The following SPON2 variants were observed in gnomAD, a reference collection of about 807,000 sequenced individuals.
SPON2 encodes spondin 2.
SPON2 carries 32 observed loss-of-function variants against 29.9 expected under a neutral mutation model. That is an observed-to-expected ratio of 1.07 (90% CI 0.81 to 1.44). The LOEUF is 1.44. SPON2 is among the 40% of genes most tolerant of loss of function. The pLI is 0.00. For synonymous variants in SPON2, 248 were observed against 209.1 expected, an observed-to-expected ratio of 1.19 and a Z score of -1.61; for missense variants, 541 against 455.5, an observed-to-expected ratio of 1.19 and a Z score of -1.71.
chr4:1,170,916 G>C (rs1479761180), intron 4 of SPON2, 83 bp downstream of exon 4: 1 of 1,511,478 alleles, frequency 6.6e-7, no homozygotes, highest in African/African-American at 1.4e-5. Flanking sequence ...CCTGGGCTGG[G>C]AGGCGAGGGT....
chr4:1,200,412 A>G lies in SPON2; in HGVS notation c.-234+7468T>C, dbSNP rs74403650. 9.8e-3 allele frequency among the ~76,000 whole-genome samples: 1,472 copies of G among 150,814 alleles called. 9 individuals are homozygous for G. The highest frequency in any genetic ancestry group is 0.016 in the South Asian group (74 of 4,616). ...ACAGAGGGAGCAAGTGGAGGGAGGA[A>G]GGGGCTTCAGGACAGGAGGTGCAGG... is the stretch of plus-strand genomic sequence containing the variant. On this transcript the variant is annotated intron_variant, in intron 1 of 3. Transcript: ENST00000509233.
rs766117678 is a variant in SPON2, at chr4:1,171,830, G to T, written c.220+22C>A. 5.1e-6 allele frequency: 8 copies of T among 1,566,228 alleles called. No individual in the cohort carries two copies. In the African/African-American group the frequency reaches 5.4e-5, roughly 11 times the overall value. ...CGCAGCCCTCCTGGTGGAGCAGGAGGCGAGGAGGGGGCTGTACTTACCCAG... is the reference window on the plus strand; with the variant it reads ...CGCAGCCCTCCTGGTGGAGCAGGAGTCGAGGAGGGGGCTGTACTTACCCAG... On this transcript the variant is annotated intron_variant, in intron 2 of 5. Transcript: ENST00000290902.
chr4:1,186,477 G>T (rs996677055), intron 1 of SPON2, among the ~76,000 whole-genome samples: 10 of 152,094 alleles, frequency 6.6e-5, no homozygotes, highest in East Asian at 1.9e-4. Flanking sequence ...CTAATTTTTT[G>T]TATTTTAGTA....
Position 1,167,296 on chromosome 4 carries a change from ATGCCCG to A in SPON2, c.*170_*175del. ...TGGGAAAGGAGGAGGCTGTTTCCCA[ATGCCCG>A]TGCCGGCCACCAGAGGGCCCTTCAG... On this transcript the variant is annotated 3_prime_UTR_variant, in exon 6 of 6. Coordinates refer to ENST00000290902, the MANE Select transcript of SPON2 (RefSeq NM_012445.4). The A allele has an allele frequency of 1.6e-6, 1 of 620,882 alleles. No individual in the cohort carries two copies. The highest frequency in any genetic ancestry group is 4.4e-4 in the Middle Eastern group (1 of 2,258). The allele number at this position is 620,882 out of a possible 1,614,324, so 38.5% of individuals were successfully genotyped here.
chr4:1,197,453 T>G (rs887396265), upstream of SPON2, among the ~76,000 whole-genome samples: 1 of 151,970 alleles, frequency 6.6e-6, no homozygotes, highest in East Asian at 1.9e-4. Flanking sequence ...GAACGTGCAC[T>G]CTCTGAAAAG....
intron 1 of SPON2, among the ~76,000 whole-genome samples, chr4:1,203,836 G>C (rs142670965): frequency 1.3e-5 from 2 of 151,946 alleles, no homozygotes; most frequent in African/African-American, 4.8e-5. Flanking sequence ...TTGGCTGGTC[G>C]CATATATTAT....
chr4:1,193,750 GTGGT>G (rs1727967029), intron 1 of SPON2, among the ~76,000 whole-genome samples: 1 of 3,116 alleles, frequency 3.2e-4, no homozygotes, highest in Non-Finnish European at 7.3e-4. Flanking sequence ...GACGTGGGGG[GTGGT>G]GTGGGAAGGA....
chr4:1,183,125 C>T (rs1171305560), intron 1 of SPON2, among the ~76,000 whole-genome samples: 1 of 151,452 alleles, frequency 6.6e-6, no homozygotes, highest in Middle Eastern at 3.2e-3. Context: ...CCTGTAATCC[C>T]AGTTACTCAG....
intron 1 of SPON2, among the ~76,000 whole-genome samples, chr4:1,203,239 CCCTT>C (rs1026806554): frequency 2.6e-5 from 4 of 152,208 alleles, no homozygotes; most frequent in African/African-American, 9.7e-5. Context: ...TGGACTAAGA[CCCTT>C]CCCATTTTCC....
Position 1,171,299 on chromosome 4 carries a change from C to T in SPON2, c.408G>A (p.Thr136=), listed in dbSNP as rs1446120183. The stretch of plus-strand genomic sequence containing the variant: ...TGCGCTGCACCTCCAGCTCCGCCGA[C>T]GTCTGCCCGGTGCCGCTGGGGACGG... The part of the protein sequence containing the change: ...APAVPSGTGQ[T]SAELEVQRRH... The change falls in exon 3 of 6, where the codon ACG becomes ACA. Residue 136 remains threonine (T), a synonymous_variant. Transcript: ENST00000290902. 1.3e-6 allele frequency: 2 copies of T among 1,590,148 alleles called. No individual in the cohort carries two copies. Among genetic ancestry groups the T allele is most frequent in the Non-Finnish European group, 1.7e-6 (2 of 1,173,488 alleles).
At chr4:1,170,948 C>T (rs1299826072) in intron 4 of SPON2, 51 bp downstream of exon 4, 3 of 1,544,238 alleles carry the variant, frequency 1.9e-6, no homozygotes, top group Middle Eastern at 1.7e-4. Flanking sequence ...CCAGCCCCGT[C>T]CCCACCGCGG....
Position 1,186,054 on chromosome 4 carries a change from C to T in SPON2, c.-238-6513G>A, listed in dbSNP as rs186170680. ...GGTCAGGAGATCGAGACCATCCTGGCTAACACGGTGAAACCCCATCTCTAC... is the reference window on the plus strand; with the variant it reads ...GGTCAGGAGATCGAGACCATCCTGGTTAACACGGTGAAACCCCATCTCTAC... On this transcript the variant is annotated intron_variant, in intron 1 of 3. Transcript: ENST00000502483. Among the ~76,000 whole-genome samples the T allele has an allele frequency of 1.2e-4, 18 of 148,884 alleles. No individual in the cohort carries two copies. The South Asian group carries it at 3.4e-3, about 28-fold the overall frequency.
chr4:1,172,167 GGACGGC>G, intron 1 of SPON2, 93 bp from the exon 2 acceptor site: 1 of 1,129,820 alleles, frequency 8.9e-7, no homozygotes, highest in Non-Finnish European at 1.3e-6. Context: ...TGGGCTCTGA[GGACGGC>G]CCCGAGCACC....
At chr4:1,179,246 G>C (rs904085379) in intron 2 of SPON2, among the ~76,000 whole-genome samples, 4 of 98,074 alleles carry the variant, frequency 4.1e-5, no homozygotes, top group Non-Finnish European at 1.1e-4. Context: ...AGCAAACACA[G>C]CACTCACTCT....
intron 1 of SPON2, among the ~76,000 whole-genome samples, chr4:1,203,537 T>C (rs1326483982): frequency 1.3e-5 from 2 of 152,188 alleles, no homozygotes; most frequent in Admixed American, 6.5e-5. Context: ...CTTTGGGCTA[T>C]TGTGAATAAT....
chr4:1,195,701 CT>C (rs1428122112), upstream of SPON2, among the ~76,000 whole-genome samples: 2 of 152,186 alleles, frequency 1.3e-5, no homozygotes, highest in African/African-American at 4.8e-5. Context: ...TGGGATGCCC[CT>C]GCCCCAGACC....
Position 1,171,337 on chromosome 4 carries a change from A to T in SPON2, c.370T>A (p.Phe124Ile), listed in dbSNP as rs778426193. ...CCGCTGGGGACGGCGGGCGCCGAAA[A>T]CACCGCGTGCACGCTCTGCAGCGCC... Reference protein sequence around the residue: ...GEALQSVHAVFSAPAVPSGTG... With the variant: ...GEALQSVHAVISAPAVPSGTG... The change falls in exon 3 of 6, where the codon TTT (phenylalanine) becomes ATT (isoleucine). Residue 124 changes from phenylalanine (F) to isoleucine (I), a missense_variant. By Grantham distance (21) the Phe-to-Ile change is conservative. Transcript: ENST00000290902. The T allele has an allele frequency of 1.1e-5, 17 of 1,606,384 alleles. No individual in the cohort carries two copies. The highest frequency in any genetic ancestry group is 1.4e-5 in the Non-Finnish European group (16 of 1,178,542).
At chr4:1,203,845 AT>A (rs1451709653) in intron 1 of SPON2, among the ~76,000 whole-genome samples, 1 of 151,446 alleles carries the variant, frequency 6.6e-6, no homozygotes, top group African/African-American at 2.4e-5. Flanking sequence ...CGCATATATT[AT>A]TTGGAAAAAA....
At chr4:1,175,224 G>A (rs1208077502), upstream of SPON2, among the ~76,000 whole-genome samples, 1 of 152,268 alleles carries the variant, frequency 6.6e-6, no homozygotes, top group East Asian at 1.9e-4. Context: ...AGGAGAGGAA[G>A]GAGGCGCCGG....
Sources: gnomAD v4.1 joint callset for allele counts (sites outside exome capture counted in the v4.1 genomes callset) on GRCh38, gnomAD v4.1.1 for gene constraint, MANE v1.5 for transcripts, NCBI Gene and HGNC (gene_info 2026-07-23, HGNC 2026-07-21) for gene names.